The following RC3H1 variants were observed in gnomAD, a reference collection of about 807,000 sequenced individuals.
RC3H1 encodes ring finger and CCCH-type domains 1, also known as roquin-1.
A neutral mutation model predicts 138.2 loss-of-function variants in RC3H1; 50 were observed. The ratio of observed to expected loss-of-function variants is 0.36; its 90% confidence interval spans 0.29 to 0.46. RC3H1 has a LOEUF of 0.46. RC3H1 is among the 20% of genes least tolerant of loss of function. The pLI is 1.00. For synonymous variants in RC3H1, 462 were observed against 489.1 expected, an observed-to-expected ratio of 0.94 and a Z score of 0.73; for missense variants, 1,031 against 1,388.1, an observed-to-expected ratio of 0.74 and a Z score of 4.09.
Position 173,943,539 on chromosome 1 carries a change from G to A in RC3H1, c.3038C>T (p.Pro1013Leu). ...AGQSQPPPPP[P>L]PKWPGMISSE... ...TGAGATCATCCCAGGCCATTTTGGAGGTGGCGGTGGTGGGGGCTGTGACTG... is the reference window on the plus strand; with the variant it reads ...TGAGATCATCCCAGGCCATTTTGGAAGTGGCGGTGGTGGGGGCTGTGACTG... The change falls in exon 18 of 20, where the codon CCT becomes CTT. Residue 1013 changes from proline to leucine, a missense_variant. Physicochemically the swap from Pro to Leu is moderately conservative, Grantham distance 98 (BLOSUM62 -3). Around this residue, in one of 7 missense-constraint regions of RC3H1, gnomAD observed 716 missense variants for 837.9 expected, o/e 0.85. Coordinates refer to ENST00000367696, the MANE Select transcript of RC3H1 (RefSeq NM_172071.4). 6.2e-7 allele frequency: 1 copy of A among 1,614,188 alleles called. No individual in the cohort carries two copies. The highest frequency in any genetic ancestry group is 1.1e-5 in the South Asian group (1 of 91,084).
chr1:173,931,391 G>A lies in RC3H1; in HGVS notation c.*7330C>T, dbSNP rs1030262119. On this transcript the variant is annotated 3_prime_UTR_variant, in exon 20 of 20. Coordinates refer to ENST00000367696, the MANE Select transcript of RC3H1 (RefSeq NM_172071.4). Reference sequence around the variant, plus strand: ...CACTAATTAGGAGCAACATGAGGCTGAGTCAGTTTCCAAGGTAATAAAGGA... The same window carrying A: ...CACTAATTAGGAGCAACATGAGGCTAAGTCAGTTTCCAAGGTAATAAAGGA... 4 of 152,196 alleles carry A rather than the reference G, an allele frequency of 2.6e-5. No homozygotes were observed. Among genetic ancestry groups the A allele is most frequent in the African/African-American group, 9.6e-5 (4 of 41,454 alleles). 9.4% of individuals were successfully genotyped at this position (152,196 alleles called of 1,614,324 possible). A position where few individuals can be genotyped will look rare whatever the true frequency, so the allele number is the denominator to read the frequency against.
chr1:173,957,977 G>A (rs769896570), intron 13 of RC3H1, among the ~76,000 whole-genome samples: 1 of 152,108 alleles, frequency 6.6e-6, no homozygotes. Flanking sequence ...TAGATATTGT[G>A]AACAACTTCT....
At chr1:173,941,451 G>T in intron 18 of RC3H1, 71 bp from the exon 19 acceptor site, 1 of 866,088 alleles carries the variant, frequency 1.2e-6, no homozygotes, top group Non-Finnish European at 1.9e-6. Context: ...CCAAATTACA[G>T]ATAATACAAA....
chr1:173,941,520 A>ATTT (rs1658860727), intron 18 of RC3H1, 140 bp from the exon 19 acceptor site: 2 of 596,198 alleles, frequency 3.4e-6, no homozygotes, highest in African/African-American at 3.7e-5. Context: ...TGGCAGACTA[A>ATTT]AAGAGTGACA....
chr1:173,996,412 C>T (rs1367761712), intron 1 of RC3H1, among the ~76,000 whole-genome samples: 1 of 152,152 alleles, frequency 6.6e-6, no homozygotes, highest in Non-Finnish European at 1.5e-5. Flanking sequence ...AAAAGACACT[C>T]AACAAGCTGT....
intron 1 of RC3H1, among the ~76,000 whole-genome samples, chr1:174,013,310 A>G (rs1350337927): frequency 3.3e-5 from 5 of 152,052 alleles, no homozygotes; most frequent in Admixed American, 2.0e-4. Flanking sequence ...GGAATCATAT[A>G]TATCAGTGCT....
intron 1 of RC3H1, among the ~76,000 whole-genome samples, chr1:173,995,548 AG>A (rs1207998536): frequency 6.6e-6 from 1 of 151,660 alleles, no homozygotes; most frequent in Non-Finnish European, 1.5e-5. Flanking sequence ...AAAAAAAAAA[AG>A]AAAAAGAAAA....
chr1:173,999,642 C>T (rs1041042949), intron 1 of RC3H1, among the ~76,000 whole-genome samples: 8 of 152,188 alleles, frequency 5.3e-5, no homozygotes, highest in Admixed American at 5.2e-4. Context: ...TCTGGAAAGA[C>T]GTAGAACAGC....
chr1:173,947,662 T>C, intron 14 of RC3H1, 80 bp from the exon 15 acceptor site: 1 of 1,050,474 alleles, frequency 9.5e-7, no homozygotes, highest in South Asian at 1.3e-5. Flanking sequence ...TGTAATAAGG[T>C]TAAAGAAGAG....
In RC3H1 at chr1:173,993,159, A is replaced by T. The variant is rs1168055888; in HGVS notation, c.-150-24T>A. ...ACCTGAAAATAAAGAAAAAGGAAAA[A>T]AATTGAGTGTCTTTCTTTTCAATTA... On this transcript the variant is annotated intron_variant, in intron 1 of 19. Transcript: ENST00000367696. 5.1e-6 allele frequency: 3 copies of T among 584,888 alleles called. No individual in the cohort carries two copies. In the African/African-American group the frequency reaches 5.6e-5, roughly 11 times the overall value. The allele number at this position is 584,888 out of a possible 1,614,324, so 36.2% of individuals were successfully genotyped here.
At position 174,022,342 on chromosome 1, in the gene RC3H1, C is replaced by T; in HGVS notation, c.-397G>A. 2.6e-6 allele frequency: 1 copy of T among 379,544 alleles called. No homozygotes were observed. Among genetic ancestry groups the T allele is most frequent in the Non-Finnish European group, 4.7e-6 (1 of 214,086 alleles). The allele number at this position is 379,544 out of a possible 1,614,324, so 23.5% of individuals were successfully genotyped here. A position where few individuals can be genotyped will look rare whatever the true frequency, so the allele number is the denominator to read the frequency against. ...CTTCCTCCTCCTCGTCCTCCGCCGC[C>T]CAGTCGCTCGTTGTCCTCGTCCCCT... On this transcript the variant is annotated 5_prime_UTR_variant, in exon 1 of 20. Transcript: ENST00000367696. This position sits in a 1 kb window ranked among gnomAD's most constrained non-coding sequence, Gnocchi z 4.2.
intron 1 of RC3H1, among the ~76,000 whole-genome samples, chr1:174,004,128 C>T (rs1157519584): frequency 6.7e-6 from 1 of 149,158 alleles, no homozygotes; most frequent in East Asian, 2.0e-4. Flanking sequence ...TTTTTTGAGA[C>T]AGGGTCTTGC....
At chr1:174,009,860 C>A (rs1273478501) in intron 1 of RC3H1, among the ~76,000 whole-genome samples, 2 of 152,072 alleles carry the variant, frequency 1.3e-5, no homozygotes, top group African/African-American at 2.4e-5. Flanking sequence ...ATTTTTGTTT[C>A]TATCTTTAAC....
intron 1 of RC3H1, among the ~76,000 whole-genome samples, chr1:173,996,925 T>G (rs572474210): frequency 3.3e-5 from 5 of 152,108 alleles, no homozygotes; most frequent in African/African-American, 9.6e-5. Flanking sequence ...GTTTTTTTTT[T>G]GGGTAACAAA....
At chr1:173,996,080 CCT>C (rs753160681) in intron 1 of RC3H1, among the ~76,000 whole-genome samples, 5 of 152,174 alleles carry the variant, frequency 3.3e-5, no homozygotes, top group Non-Finnish European at 5.9e-5. Context: ...ATGGTGAAAC[CCT>C]ATCTCTACTA....
intron 1 of RC3H1, among the ~76,000 whole-genome samples, chr1:174,003,212 C>T (rs1661590861): frequency 6.6e-6 from 1 of 152,012 alleles, no homozygotes; most frequent in Admixed American, 6.6e-5. Context: ...CGTGGTGAAA[C>T]CCCGTCTCTA....
At position 173,961,920 on chromosome 1, in the gene RC3H1, G is replaced by A; in HGVS notation, c.2007C>T (p.His669=). The change falls in exon 12 of 20, where the codon CAC becomes CAT. Residue 669 remains histidine, a synonymous_variant. Coordinates refer to ENST00000367696, the MANE Select transcript of RC3H1 (RefSeq NM_172071.4). The part of the protein sequence containing the change: ...PQQYPPIYPS[H]YDGRRVYPAP... ...CAGGGTACACTCGACGGCCATCATA[G>A]TGAGATGGGTATATAGGTGGGTACT... The A allele has an allele frequency of 6.2e-7, 1 of 1,614,002 alleles. No individual in the cohort carries two copies. Among genetic ancestry groups the A allele is most frequent in the Non-Finnish European group, 8.5e-7 (1 of 1,179,868 alleles).
chr1:173,994,524 T>C (rs1661414619), intron 1 of RC3H1, among the ~76,000 whole-genome samples: 1 of 152,108 alleles, frequency 6.6e-6, no homozygotes, highest in Admixed American at 6.5e-5. Context: ...TCAGGCTGGG[T>C]GTGATGGCTC....
intron 14 of RC3H1, among the ~76,000 whole-genome samples, chr1:173,949,137 G>GA (rs1460884925): frequency 1.0e-5 from 1 of 97,402 alleles, no homozygotes; most frequent in African/African-American, 3.4e-5. Flanking sequence ...TTTGGGGGGG[G>GA]GGGTGGGGCT....
Sources: gnomAD v4.1 joint callset for allele counts (sites outside exome capture counted in the v4.1 genomes callset) on GRCh38, gnomAD v4.1.1 for gene constraint, gnomAD v4.1.1 regional missense constraint, Gnocchi (gnomAD v3.1) non-coding constraint, MANE v1.5 for transcripts, NCBI Gene and HGNC (gene_info 2026-07-23, HGNC 2026-07-21) for gene names.